LRPPRC: variants seen among roughly 807,000 people sequenced by gnomAD.
LRPPRC encodes leucine rich pentatricopeptide repeat containing.
Under a neutral mutation model 180.3 loss-of-function variants are expected in LRPPRC, and 120 were observed. The ratio of observed to expected loss-of-function variants is 0.67; its 90% confidence interval spans 0.57 to 0.77. The LOEUF (loss-of-function observed/expected upper bound fraction) is 0.77. Among genes scored for constraint, LRPPRC ranks in the 30% least tolerant of loss-of-function variants. The pLI is 0.00. For synonymous variants in LRPPRC, 723 were observed against 600.0 expected, an observed-to-expected ratio of 1.21 and a Z score of -3.00; for missense variants, 2,012 against 1,657.2, an observed-to-expected ratio of 1.21 and a Z score of -3.72.
chr2:43,971,530 T>TA (rs1673811777), intron 11 of LRPPRC, among the ~76,000 whole-genome samples: 1 of 135,114 alleles, frequency 7.4e-6, no homozygotes, highest in African/African-American at 2.9e-5. Flanking sequence ...ATATGTTTTT[T>TA]AAAAGAAAAA....
chr2:43,994,879 C>T (rs1041195791), intron 1 of LRPPRC, among the ~76,000 whole-genome samples: 75 of 152,340 alleles, frequency 4.9e-4, no homozygotes, highest in African/African-American at 1.7e-3. Flanking sequence ...CTGACACCCA[C>T]TTAGAGTTTA....
chr2:43,947,638 G>C (rs1018452617), intron 19 of LRPPRC, 93 bp downstream of exon 19: 4 of 828,190 alleles, frequency 4.8e-6, no homozygotes, highest in Non-Finnish European at 8.4e-6. Flanking sequence ...TGATAAAAAT[G>C]TGAGGAATCA....
At chr2:43,965,708 A>C (rs1673526255) in intron 11 of LRPPRC, among the ~76,000 whole-genome samples, 1 of 152,218 alleles carries the variant, frequency 6.6e-6, no homozygotes, top group African/African-American at 2.4e-5. Context: ...TGGGCAAAGG[A>C]TCTGAATACA....
chr2:43,908,808 C>T (rs1026910755), intron 30 of LRPPRC, among the ~76,000 whole-genome samples: 22 of 152,162 alleles, frequency 1.4e-4, no homozygotes, highest in Non-Finnish European at 2.6e-4. Context: ...ATTACAGCCA[C>T]GAACCACTGA....
chr2:43,917,952 G>C (rs544602845), intron 29 of LRPPRC, 73 bp downstream of exon 29: 5 of 1,038,018 alleles, frequency 4.8e-6, no homozygotes, highest in African/African-American at 1.6e-5. Context: ...TAATTGGTTG[G>C]GCTTACACCC....
At chr2:43,911,808 T>G (rs1372440624) in intron 30 of LRPPRC, among the ~76,000 whole-genome samples, 1 of 152,066 alleles carries the variant, frequency 6.6e-6, no homozygotes, top group Non-Finnish European at 1.5e-5. Flanking sequence ...ATTACGGGCA[T>G]GAGCCACCGC....
chr2:43,955,160 G>C (rs1170184480), intron 14 of LRPPRC, among the ~76,000 whole-genome samples: 1 of 151,960 alleles, frequency 6.6e-6, no homozygotes, highest in Non-Finnish European at 1.5e-5. Context: ...TTCTCAAAGA[G>C]ATCAATGAAT....
chr2:43,902,440 G>C (rs1670921939), intron 31 of LRPPRC: 1 of 152,104 alleles, frequency 6.6e-6, no homozygotes, highest in South Asian at 2.1e-4. Context: ...ACAAAACTAA[G>C]ACTCTCCAAA....
At chr2:43,901,757 A>G in intron 31 of LRPPRC, 1 of 517,494 alleles carries the variant, frequency 1.9e-6, no homozygotes, top group Non-Finnish European at 3.4e-6. Flanking sequence ...AGTCACAGAG[A>G]AAATACAAAT....
chr2:43,995,684 C>T (rs921179338), intron 1 of LRPPRC, 115 bp downstream of exon 1: 1 of 1,057,296 alleles, frequency 9.5e-7, no homozygotes, highest in Non-Finnish European at 1.2e-6. Flanking sequence ...GAGGCTAGGT[C>T]CTGGGGCGGG....
At chr2:43,906,676 C>A (rs890037922) in intron 30 of LRPPRC, among the ~76,000 whole-genome samples, 5 of 152,186 alleles carry the variant, frequency 3.3e-5, no homozygotes, top group Admixed American at 2.0e-4. Flanking sequence ...CTGTTGCCAA[C>A]AACAGCATGC....
In LRPPRC at chr2:43,979,585, A is replaced by G. The variant is rs192156824; in HGVS notation, c.469+241T>C. Among the ~76,000 whole-genome samples the G allele has an allele frequency of 1.9e-3, 288 of 152,214 alleles. 2 individuals are homozygous for G. The highest frequency in any genetic ancestry group is 6.7e-3 in the African/African-American group (278 of 41,536). On this transcript the variant is annotated intron_variant, in intron 3 of 37. Coordinates refer to ENST00000260665, the MANE Select transcript of LRPPRC (RefSeq NM_133259.4). Reference sequence around the variant, plus strand: ...TATAACTTTGACAGACAAACCGGCTATTTTCTTCTTTTTCTTTTTTAACTT... The same window carrying G: ...TATAACTTTGACAGACAAACCGGCTGTTTTCTTCTTTTTCTTTTTTAACTT...
At position 43,901,291 on chromosome 2, in the gene LRPPRC, G is replaced by A. The variant is rs768792754; in HGVS notation, c.3569+29C>T. 4 of 1,580,484 alleles carry A rather than the reference G, an allele frequency of 2.5e-6. No individual in the cohort carries two copies. In the East Asian group the frequency reaches 8.9e-5, roughly 35 times the overall value. On this transcript the variant is annotated intron_variant, in intron 32 of 37. Coordinates refer to ENST00000260665, the MANE Select transcript of LRPPRC (RefSeq NM_133259.4). ...GGCAATGCCCATTCTAGTGACCAATGAAGGAAAAGAAGGCTTGCAAATACT... is the reference window on the plus strand; with the variant it reads ...GGCAATGCCCATTCTAGTGACCAATAAAGGAAAAGAAGGCTTGCAAATACT...
chr2:43,890,447 C>CT, intron 36 of LRPPRC: 1 of 423,920 alleles, frequency 2.4e-6, no homozygotes, highest in East Asian at 7.1e-5. Context: ...GGCGCAGTGG[C>CT]TCACGCCTGT....
At chr2:43,909,350 T>C (rs1054450102) in intron 30 of LRPPRC, among the ~76,000 whole-genome samples, 3 of 138,426 alleles carry the variant, frequency 2.2e-5, no homozygotes, top group African/African-American at 8.2e-5. Context: ...AACTCCCAAA[T>C]AACCCTGGTG....
chr2:43,988,404 C>T (rs556768710), intron 1 of LRPPRC, among the ~76,000 whole-genome samples: 5 of 152,158 alleles, frequency 3.3e-5, no homozygotes, highest in South Asian at 2.1e-4. Flanking sequence ...GGCATGGTGG[C>T]GCATGCCTAT....
chr2:43,893,821 C>A lies in LRPPRC; in HGVS notation c.3985+724G>T, dbSNP rs188860679. Reference sequence around the variant, plus strand: ...TCCCTGTAAGGACGGAAAAAGAGAACTGACTTACTAATTCTGATTCTTGAG... The same window carrying A: ...TCCCTGTAAGGACGGAAAAAGAGAAATGACTTACTAATTCTGATTCTTGAG... On this transcript the variant is annotated intron_variant, in intron 36 of 37. Transcript: ENST00000260665. 3.3e-5 allele frequency among the ~76,000 whole-genome samples: 5 copies of A among 152,200 alleles called. No individual in the cohort carries two copies. In the East Asian group the frequency reaches 9.6e-4, roughly 29 times the overall value.
At chr2:43,974,800 TTTTA>T in intron 7 of LRPPRC, 42 bp from the exon 8 acceptor site, 1 of 1,591,844 alleles carries the variant, frequency 6.3e-7, no homozygotes, top group Non-Finnish European at 8.6e-7. Context: ...GTTAGAGTGT[TTTTA>T]TTTAAGTATT....
At chr2:43,889,993 T>G (rs932108337) in intron 36 of LRPPRC, 117 bp from the exon 37 acceptor site, 6 of 715,950 alleles carry the variant, frequency 8.4e-6, no homozygotes, top group Non-Finnish European at 1.3e-5. Flanking sequence ...AATGAACACT[T>G]AACTACTTTC....
Sources: gnomAD v4.1 joint callset for allele counts (sites outside exome capture counted in the v4.1 genomes callset) on GRCh38, gnomAD v4.1.1 for gene constraint, MANE v1.5 for transcripts, NCBI Gene and HGNC (gene_info 2026-07-23, HGNC 2026-07-21) for gene names.